Variants in ANTXR1 observed in about 807,000 individuals in gnomAD.
ANTXR1 encodes ANTXR cell adhesion molecule 1, also known as anthrax toxin receptor 1.
ANTXR1 carries 19 observed loss-of-function variants against 78.1 expected under a neutral mutation model. The observed-to-expected ratio is 0.24, with a 90% CI of 0.17 to 0.36. ANTXR1 has a LOEUF of 0.36. ANTXR1 is among the 10% of genes least tolerant of loss of function. The probability of loss-of-function intolerance (pLI) is 1.00; values close to 1 mark genes in which losing one functional copy is unlikely to be tolerated. For missense variants in ANTXR1, 518 were observed against 718.6 expected (o/e 0.72, Z 3.19); for synonymous variants, 273 against 260.5 (o/e 1.05, Z -0.46).
chr2:69,124,429 C>A, intron 11 of ANTXR1, 136 bp from the exon 12 acceptor site: 1 of 790,722 alleles, frequency 1.3e-6, no homozygotes, highest in Admixed American at 1.9e-5. Context: ...ACTCAGACCC[C>A]TCCTCCCCTG....
chr2:69,030,070 A>C (rs986498972), intron 1 of ANTXR1, among the ~76,000 whole-genome samples: 3 of 152,304 alleles, frequency 2.0e-5, no homozygotes, highest in African/African-American at 7.2e-5. Context: ...GAGGGAGGGA[A>C]ATCCATAAAT....
At chr2:69,026,254 C>CT (rs1463437594) in intron 1 of ANTXR1, among the ~76,000 whole-genome samples, 1 of 152,210 alleles carries the variant, frequency 6.6e-6, no homozygotes, top group African/African-American at 2.4e-5. Context: ...AACATGGACT[C>CT]TAAGTCTAGA....
rs111544315 is a variant in ANTXR1, at chr2:69,181,827, G to C, written c.1131G>C (p.Thr377=). 7 of 1,614,006 alleles carry C rather than the reference G, an allele frequency of 4.3e-6. No individual in the cohort carries two copies. The highest frequency in any genetic ancestry group is 5.9e-6 in the Non-Finnish European group (7 of 1,180,010). ...GTCTGCCTAAGAAAAAGTGGCCAACGGTAGACGCCTCTTATTATGGTGGGA... is the reference window on the plus strand; with the variant it reads ...GTCTGCCTAAGAAAAAGTGGCCAACCGTAGACGCCTCTTATTATGGTGGGA... ...DDGLPKKKWP[T]VDASYYGGRG... Residue 377 remains threonine (T), a synonymous_variant, in exon 15 of 18, where the codon ACG becomes ACC. Coordinates refer to ENST00000303714, the MANE Select transcript of ANTXR1 (RefSeq NM_032208.3).
chr2:69,244,408 C>T (rs1166387512), intron 17 of ANTXR1, among the ~76,000 whole-genome samples: 3 of 152,296 alleles, frequency 2.0e-5, no homozygotes, highest in South Asian at 4.2e-4. Context: ...CAGGTGCAGC[C>T]GCGTGTAGAA....
At chr2:69,077,565 A>G in intron 8 of ANTXR1, 77 bp downstream of exon 8, 4 of 1,457,350 alleles carry the variant, frequency 2.7e-6, no homozygotes, top group East Asian at 2.3e-5. Flanking sequence ...CCCCAATTCC[A>G]TCTCTCAAAG....
chr2:69,163,549 CTCTTA>C (rs1162631461), intron 13 of ANTXR1, among the ~76,000 whole-genome samples: 1 of 152,148 alleles, frequency 6.6e-6, no homozygotes, highest in Non-Finnish European at 1.5e-5. Flanking sequence ...ATCTCATCTT[CTCTTA>C]TATCTTTACA....
intron 1 of ANTXR1, among the ~76,000 whole-genome samples, chr2:69,030,813 A>G (rs1172087280): frequency 2.0e-5 from 3 of 152,208 alleles, no homozygotes; most frequent in Non-Finnish European, 1.5e-5. Flanking sequence ...AATGAATAGC[A>G]AAGTACACCA....
chr2:69,076,549 A>G (rs1258771992), intron 7 of ANTXR1, among the ~76,000 whole-genome samples: 1 of 152,250 alleles, frequency 6.6e-6, no homozygotes, highest in African/African-American at 2.4e-5. Flanking sequence ...AAAATTACAA[A>G]GCAGTGAGAA....
chr2:69,101,171 T>A (rs1671604667), intron 9 of ANTXR1, among the ~76,000 whole-genome samples: 1 of 152,224 alleles, frequency 6.6e-6, no homozygotes, highest in Non-Finnish European at 1.5e-5. Flanking sequence ...TACTTAAATT[T>A]CAGTTTCTTG....
intron 12 of ANTXR1, among the ~76,000 whole-genome samples, chr2:69,140,970 G>A (rs1673051799): frequency 6.6e-6 from 1 of 152,150 alleles, no homozygotes; most frequent in African/African-American, 2.4e-5. Flanking sequence ...ATGAATCACA[G>A]TGTTTCATTA....
At chr2:69,227,598 T>TC (rs1316219102) in intron 17 of ANTXR1, among the ~76,000 whole-genome samples, 1 of 152,160 alleles carries the variant, frequency 6.6e-6, no homozygotes, top group Admixed American at 6.5e-5. Context: ...AACTTTTTTT[T>TC]CCCCTCTCAC....
At chr2:69,075,948 C>T (rs1558519717) in intron 7 of ANTXR1, among the ~76,000 whole-genome samples, 2 of 152,044 alleles carry the variant, frequency 1.3e-5, no homozygotes, top group African/African-American at 4.8e-5. Context: ...CGGGTTTTTT[C>T]TGTTTGTTTG....
intron 3 of ANTXR1, among the ~76,000 whole-genome samples, chr2:69,053,322 G>C: frequency 6.6e-6 from 1 of 152,172 alleles, no homozygotes; most frequent in East Asian, 1.9e-4. Context: ...AGGCAGAGTA[G>C]AGACCCAGCA....
rs112503093 is a variant in ANTXR1 at position 69,219,683 on chromosome 2, T to G, written c.1435-25542T>G. On this transcript the variant is annotated intron_variant, in intron 17 of 17. Transcript: ENST00000303714. ...TTAAGTGTTATGTTATCAACGTATATTAAAATGACAAATTCTCTTGGTAAT... is the reference window on the plus strand; with the variant it reads ...TTAAGTGTTATGTTATCAACGTATAGTAAAATGACAAATTCTCTTGGTAAT... Among the ~76,000 whole-genome samples the G allele has an allele frequency of 2.4e-3, 369 of 152,330 alleles. 3 individuals carry two copies. The highest frequency in any genetic ancestry group is 8.2e-3 in the African/African-American group (343 of 41,584).
At chr2:69,078,528 A>G (rs1271169004) in intron 8 of ANTXR1, among the ~76,000 whole-genome samples, 1 of 152,144 alleles carries the variant, frequency 6.6e-6, no homozygotes, top group Non-Finnish European at 1.5e-5. Flanking sequence ...CTCTCCCTTC[A>G]GGGTTTGCTA....
At chr2:69,026,704 A>G (rs1671354218) in intron 1 of ANTXR1, among the ~76,000 whole-genome samples, 1 of 152,224 alleles carries the variant, frequency 6.6e-6, no homozygotes, top group Non-Finnish European at 1.5e-5. Context: ...ATAAGAGCAG[A>G]AACTAAAAAT....
At chr2:69,070,572 A>C (rs751495283) in intron 3 of ANTXR1, 75 bp from the exon 4 acceptor site, 121 of 1,352,550 alleles carry the variant, frequency 8.9e-5, no homozygotes, top group African/African-American at 4.0e-4. Flanking sequence ...GGTAAGAAGA[A>C]GACTAGTACT....
At chr2:69,202,529 C>G (rs775302533) in intron 17 of ANTXR1, among the ~76,000 whole-genome samples, 3 of 152,162 alleles carry the variant, frequency 2.0e-5, no homozygotes, top group Middle Eastern at 3.4e-3. Context: ...TGATTAAGTG[C>G]GTGTGGCAGA....
chr2:69,044,549 T>C (rs1669705350), intron 2 of ANTXR1, among the ~76,000 whole-genome samples, 193 bp from the exon 3 acceptor site: 1 of 152,120 alleles, frequency 6.6e-6, no homozygotes, highest in African/African-American at 2.4e-5. Flanking sequence ...CAGTGTGTCT[T>C]CTCTTTGACC....
Sources: allele counts gnomAD v4.1 joint callset (sites outside exome capture counted in the v4.1 genomes callset), GRCh38; gene constraint gnomAD v4.1.1; transcripts MANE v1.5; gene names NCBI Gene and HGNC (gene_info 2026-07-23, HGNC 2026-07-21).